HIVEP3: variants seen among roughly 807,000 people sequenced by gnomAD.
The protein encoded by HIVEP3 is transcription factor HIVEP3.
Under a neutral mutation model 152.8 loss-of-function variants are expected in HIVEP3, and 49 were observed. The ratio of observed to expected loss-of-function variants is 0.32; its 90% CI spans 0.26 to 0.41. The LOEUF (loss-of-function observed/expected upper bound fraction) is 0.41, where lower values mean the gene tolerates loss of function less well. Among genes scored for constraint, HIVEP3 ranks in the 10% least tolerant of loss-of-function variants. HIVEP3 has a pLI of 1.00. For synonymous variants in HIVEP3, 1,269 were observed against 1,289.0 expected (o/e 0.98, Z 0.33); for missense variants, 2,790 against 3,103.3 (o/e 0.90, Z 2.40).
At chr1:41,588,559 G>A (rs955941739) in intron 3 of HIVEP3, among the ~76,000 whole-genome samples, 4 of 151,926 alleles carry the variant, frequency 2.6e-5, no homozygotes, top group African/African-American at 9.7e-5. Context: ...ACAGTCAGAT[G>A]ACTGCTGCAT....
intron 2 of HIVEP3, among the ~76,000 whole-genome samples, chr1:41,680,876 C>T (rs549834549): frequency 5.3e-5 from 8 of 152,338 alleles, no homozygotes; most frequent in African/African-American, 1.4e-4. Flanking sequence ...ACCCCCTCTC[C>T]GTGGAAGCTT....
chr1:41,595,466 G>GAAAGGAGTCTGGAGACTAATCA (rs1558100789), intron 3 of HIVEP3, among the ~76,000 whole-genome samples: 6 of 152,156 alleles, frequency 3.9e-5, no homozygotes, highest in African/African-American at 1.4e-4. Context: ...GGGACATGCC[G>GAAAGGAGTCTGGAGACTAATCA]AGAAAGGAGT....
Position 41,508,822 on chromosome 1 carries a change from C to T in HIVEP3, c.*1629G>A, listed in dbSNP as rs1484642297. On this transcript the variant is annotated 3_prime_UTR_variant, in exon 9 of 9. Transcript: ENST00000372583. Reference sequence around the variant, plus strand: ...GCCTGGCTGAGGACTGGGGATTAGCCAGAGAGGTCCCTGCTCTGTATAGGG... The same window carrying T: ...GCCTGGCTGAGGACTGGGGATTAGCTAGAGAGGTCCCTGCTCTGTATAGGG... 6.6e-6 allele frequency: 1 copy of T among 152,326 alleles called. No individual in the cohort carries two copies. The highest frequency in any genetic ancestry group is 2.4e-5 in the African/African-American group (1 of 41,460). 9.4% of individuals were successfully genotyped at this position (152,326 alleles called of 1,614,324 possible). A position where few individuals can be genotyped will look rare whatever the true frequency, so the allele number is the denominator to read the frequency against.
At position 41,873,625 on chromosome 1, in the gene HIVEP3, T is replaced by C. The variant is rs1019920118; in HGVS notation, c.-801+44788A>G. 6.6e-6 allele frequency among the ~76,000 whole-genome samples: 1 copy of C among 152,250 alleles called. No homozygotes were observed. Among genetic ancestry groups the C allele is most frequent in the Non-Finnish European group, 1.5e-5 (1 of 68,040 alleles). Reference sequence around the variant, plus strand: ...GGTTTTCTGTATTCTCGCTGACTTGTGTTTTTCACACTGGCTTTATCTTGG... The same window carrying C: ...GGTTTTCTGTATTCTCGCTGACTTGCGTTTTTCACACTGGCTTTATCTTGG... On this transcript the variant is annotated intron_variant, in intron 1 of 8. Transcript: ENST00000372583. This position sits in a 1 kb window ranked among gnomAD's most constrained non-coding sequence, Gnocchi z 4.2.
intron 1 of HIVEP3, among the ~76,000 whole-genome samples, chr1:41,706,633 G>GTA (rs1006550553): frequency 4.7e-4 from 71 of 152,300 alleles, no homozygotes; most frequent in African/African-American, 1.7e-3. Context: ...TGCTCTGGGC[G>GTA]TATTAGTGGC....
chr1:41,736,892 C>T (rs1158864653), intron 1 of HIVEP3, among the ~76,000 whole-genome samples: 1 of 152,132 alleles, frequency 6.6e-6, no homozygotes, highest in Non-Finnish European at 1.5e-5. Context: ...GGCTCTTTTT[C>T]TACCCAGAGA....
intron 1 of HIVEP3, among the ~76,000 whole-genome samples, chr1:42,015,398 G>A (rs1645516246): frequency 6.6e-6 from 1 of 152,156 alleles, no homozygotes; most frequent in African/African-American, 2.4e-5. Context: ...AAATACAGGG[G>A]CATGGGTTTC....
intron 1 of HIVEP3, among the ~76,000 whole-genome samples, chr1:41,857,422 G>T (rs1298161167): frequency 6.6e-6 from 1 of 152,068 alleles, no homozygotes; most frequent in Non-Finnish European, 1.5e-5. Flanking sequence ...CCCCAGGAAG[G>T]GTGGCTGTGG....
In HIVEP3 at chr1:41,580,290, G is replaced by T. The variant is rs765430064; in HGVS notation, c.4508C>A (p.Ser1503Tyr). The T allele has an allele frequency of 6.2e-7, 1 of 1,614,100 alleles. No individual in the cohort carries two copies. Among genetic ancestry groups the T allele is most frequent in the South Asian group, 1.1e-5 (1 of 91,082 alleles). The change falls in exon 4 of 9, where the codon TCC becomes TAC. Residue 1503 changes from serine (S) to tyrosine (Y), a missense_variant. Coordinates refer to ENST00000372583, the MANE Select transcript of HIVEP3 (RefSeq NM_024503.5). Reference protein sequence around the residue: ...RRELEMLSSLSSDPSDTKEIP... With the variant: ...RRELEMLSSLYSDPSDTKEIP... ...TTCCTTTGTGTCAGATGGATCTGAG[G>T]ACAGGCTGGACAGCATTTCTAGCTC...
chr1:41,833,419 T>C (rs1201371870), intron 1 of HIVEP3, among the ~76,000 whole-genome samples: 7 of 64,256 alleles, frequency 1.1e-4, no homozygotes, highest in Admixed American at 1.1e-3. Context: ...CTCAATGGCT[T>C]AGAGAAGGAA....
intron 1 of HIVEP3, among the ~76,000 whole-genome samples, chr1:41,914,331 T>C (rs1203970825): frequency 1.3e-5 from 2 of 152,168 alleles, no homozygotes; most frequent in African/African-American, 4.8e-5. Context: ...CAGGGAACCT[T>C]TGGAGAGTTC....
In HIVEP3 at chr1:41,942,931, G is replaced by A. The variant is rs111478537; in HGVS notation, n.120-24407C>T. Among the ~76,000 whole-genome samples, 1,250 of 150,768 alleles carry A rather than the reference G, an allele frequency of 8.3e-3. 19 individuals carry two copies. Among genetic ancestry groups the A allele is most frequent in the African/African-American group, 0.029 (1,205 of 40,970 alleles). ...TTTTCTTTTTTTGAGACGGAGTTTCGCTCTGTCGCCCAGGCTGGAGTGCAG... is the reference window on the plus strand; with the variant it reads ...TTTTCTTTTTTTGAGACGGAGTTTCACTCTGTCGCCCAGGCTGGAGTGCAG... On this transcript the variant is annotated intron_variant and non_coding_transcript_variant, in intron 1 of 3. Transcript: ENST00000489103.
chr1:41,631,771 A>G lies in HIVEP3; in HGVS notation c.-720-2824T>C, dbSNP rs147006939. On this transcript the variant is annotated intron_variant, in intron 2 of 8. Transcript: ENST00000372583. ...ATTTCTCACTACTCTGTGGGTTTCTATCCTCCCTGATCTGACCTCATGCCC... is the reference window on the plus strand; with the variant it reads ...ATTTCTCACTACTCTGTGGGTTTCTGTCCTCCCTGATCTGACCTCATGCCC... 2.4e-3 allele frequency among the ~76,000 whole-genome samples: 361 copies of G among 152,154 alleles called. 1 individual carries two copies. The highest frequency in any genetic ancestry group is 4.6e-3 in the South Asian group (22 of 4,820).
At chr1:41,514,513 T>C (rs1391929121) in intron 7 of HIVEP3, among the ~76,000 whole-genome samples, 1 of 152,200 alleles carries the variant, frequency 6.6e-6, no homozygotes, top group Non-Finnish European at 1.5e-5. Context: ...CTCTGGCCTC[T>C]GTGGGCGGCT....
intron 1 of HIVEP3, among the ~76,000 whole-genome samples, chr1:41,716,707 G>A (rs935546790): frequency 1.3e-5 from 2 of 152,238 alleles, no homozygotes; most frequent in African/African-American, 4.8e-5. Context: ...TGGGGATCCA[G>A]GCAGGTCTGG....
At chr1:41,750,604 T>C (rs940068889) in intron 1 of HIVEP3, among the ~76,000 whole-genome samples, 4 of 152,148 alleles carry the variant, frequency 2.6e-5, no homozygotes, top group Admixed American at 6.5e-5. Flanking sequence ...CATTAGCTTG[T>C]AGGCTTCCCA....
intron 1 of HIVEP3, among the ~76,000 whole-genome samples, chr1:41,716,890 G>C (rs1316577134): frequency 1.3e-5 from 2 of 152,224 alleles, no homozygotes; most frequent in Non-Finnish European, 2.9e-5. Context: ...TCTCAGGCAT[G>C]ACTCTCCTTC....
At chr1:41,601,803 G>A (rs1391799793) in intron 3 of HIVEP3, among the ~76,000 whole-genome samples, 1 of 152,086 alleles carries the variant, frequency 6.6e-6, no homozygotes, top group Non-Finnish European at 1.5e-5. Flanking sequence ...GGGCATTCTT[G>A]CCCTTAGCTT....
chr1:41,890,359 G>A (rs369460764), intron 1 of HIVEP3, among the ~76,000 whole-genome samples: 1 of 152,138 alleles, frequency 6.6e-6, no homozygotes. Flanking sequence ...AAAGATGCTC[G>A]GGGCACAAAT....
Sources: gnomAD v4.1 joint callset for allele counts (sites outside exome capture counted in the v4.1 genomes callset) on GRCh38, gnomAD v4.1.1 for gene constraint, Gnocchi (gnomAD v3.1) non-coding constraint, MANE v1.5 for transcripts, NCBI Gene and HGNC (gene_info 2026-07-23, HGNC 2026-07-21) for gene names.